The following ARHGAP10 variants were observed in gnomAD, a reference collection of about 807,000 sequenced individuals.
ARHGAP10 encodes rho GTPase-activating protein 10.
ARHGAP10 carries 87 observed loss-of-function variants against 108.6 expected under a neutral mutation model. The ratio of observed to expected loss-of-function variants is 0.80; its 90% CI spans 0.67 to 0.96. The LOEUF is 0.96. ARHGAP10 is among the 40% of genes least tolerant of loss of function. The pLI is 0.00. For synonymous variants in ARHGAP10, 347 were observed against 341.1 expected, an observed-to-expected ratio of 1.02 and a Z score of -0.19; for missense variants, 939 against 954.5, an observed-to-expected ratio of 0.98 and a Z score of 0.21.
intron 13 of ARHGAP10, among the ~76,000 whole-genome samples, chr4:147,915,643 C>A (rs1295534706): frequency 6.6e-6 from 1 of 152,086 alleles, no homozygotes; most frequent in Admixed American, 6.6e-5. Flanking sequence ...TAGGTCTACA[C>A]ATTTTATGTT....
intron 1 of ARHGAP10, among the ~76,000 whole-genome samples, chr4:147,799,036 CT>C (rs1009850643): frequency 2.1e-4 from 31 of 146,604 alleles, no homozygotes; most frequent in African/African-American, 5.8e-4. Context: ...TCTTTTTGTC[CT>C]TTTTTTTTTC....
chr4:147,809,842 A>G (rs1012967119), intron 1 of ARHGAP10, among the ~76,000 whole-genome samples: 3 of 152,114 alleles, frequency 2.0e-5, no homozygotes, highest in Non-Finnish European at 4.4e-5. Flanking sequence ...CTCCTCTGAG[A>G]ATCTAATGCC....
intron 1 of ARHGAP10, among the ~76,000 whole-genome samples, chr4:147,742,559 C>A (rs913015223): frequency 3.6e-5 from 5 of 139,958 alleles, no homozygotes; most frequent in Non-Finnish European, 7.6e-5. Flanking sequence ...TCTCGACTCA[C>A]TGCAACCTCT....
chr4:147,945,161 C>A (rs1413446649), intron 14 of ARHGAP10, among the ~76,000 whole-genome samples: 1 of 152,118 alleles, frequency 6.6e-6, no homozygotes, highest in African/African-American at 2.4e-5. Context: ...CTGAGTGTAC[C>A]AGCCCAGAGT....
chr4:147,828,628 A>G (rs1442786686), intron 3 of ARHGAP10, among the ~76,000 whole-genome samples: 1 of 152,228 alleles, frequency 6.6e-6, no homozygotes, highest in Non-Finnish European at 1.5e-5. Flanking sequence ...GAGTTGAAGG[A>G]TGAGCCTTAG....
intron 10 of ARHGAP10, among the ~76,000 whole-genome samples, chr4:147,897,700 G>A (rs895352164): frequency 6.6e-6 from 1 of 152,120 alleles, no homozygotes; most frequent in Non-Finnish European, 1.5e-5. Flanking sequence ...CACTATGAAT[G>A]TGGGAATTAC....
intron 16 of ARHGAP10, among the ~76,000 whole-genome samples, chr4:147,964,640 C>A: frequency 6.6e-6 from 1 of 152,192 alleles, no homozygotes; most frequent in East Asian, 1.9e-4. Flanking sequence ...AGCCTATTTG[C>A]TGATATTTTA....
intron 3 of ARHGAP10, among the ~76,000 whole-genome samples, chr4:147,836,183 G>A (rs79952475): frequency 0.045 from 6,875 of 152,148 alleles, 475 homozygotes; most frequent in African/African-American, 0.15. Context: ...ATACTTGTTC[G>A]TAGAAGATAG....
At chr4:147,818,565 CAAAAAAAA>C (rs5862813) in intron 1 of ARHGAP10, among the ~76,000 whole-genome samples, 1 of 105,306 alleles carries the variant, frequency 9.5e-6, no homozygotes, top group Non-Finnish European at 2.0e-5. Context: ...AAACTGTCAC[CAAAAAAAA>C]AAAAAAAAAA....
intron 18 of ARHGAP10, among the ~76,000 whole-genome samples, chr4:148,022,265 C>T (rs755253345): frequency 6.6e-5 from 10 of 152,130 alleles, no homozygotes; most frequent in Non-Finnish European, 8.8e-5. Flanking sequence ...TCCATCAACC[C>T]GCCCTCTAGG....
chr4:147,948,979 CAAAA>C (rs564911421), intron 15 of ARHGAP10, among the ~76,000 whole-genome samples: 12 of 148,678 alleles, frequency 8.1e-5, no homozygotes, highest in South Asian at 4.3e-4. Flanking sequence ...AAAAAAAAAA[CAAAA>C]AAACCCCCAA....
Position 147,857,588 on chromosome 4 carries a change from G to C in ARHGAP10, c.420G>C (p.Lys140Asn). The change falls in exon 5 of 23, where the codon AAG becomes AAC. Residue 140 changes from lysine to asparagine, a missense_variant. Transcript: ENST00000336498. ...EKKKFDKETEKNYSLIDKHLN... is the reference protein window; with the variant it reads ...EKKKFDKETENNYSLIDKHLN... ...AGAAGTTTGACAAAGAGACAGAAAA[G>C]AATTATAGTCTAATTGATAAACATT... 1 of 1,481,134 alleles carries C rather than the reference G, an allele frequency of 6.8e-7. No homozygotes were observed. The highest frequency in any genetic ancestry group is 9.0e-7 in the Non-Finnish European group (1 of 1,117,178). 91.7% of individuals were successfully genotyped at this position (1,481,134 alleles called of 1,614,324 possible). A position where few individuals can be genotyped will look rare whatever the true frequency, so the allele number is the denominator to read the frequency against.
At chr4:147,912,098 G>T (rs1736768281) in intron 12 of ARHGAP10, among the ~76,000 whole-genome samples, 1 of 151,344 alleles carries the variant, frequency 6.6e-6, no homozygotes, top group African/African-American at 2.4e-5. Flanking sequence ...TCTTAACTGT[G>T]TCTAGATAGC....
At chr4:147,822,429 G>A (rs1169859041) in intron 1 of ARHGAP10, among the ~76,000 whole-genome samples, 1 of 152,208 alleles carries the variant, frequency 6.6e-6, no homozygotes, top group Non-Finnish European at 1.5e-5. Context: ...GCAGAGAAAG[G>A]GAGAATACTT....
At chr4:148,067,090 T>C (rs973556033) in intron 22 of ARHGAP10, among the ~76,000 whole-genome samples, 35 of 152,310 alleles carry the variant, frequency 2.3e-4, no homozygotes, top group African/African-American at 8.2e-4. Flanking sequence ...TGTGGATGTG[T>C]TGACACTCTC....
intron 9 of ARHGAP10, among the ~76,000 whole-genome samples, chr4:147,880,561 G>T (rs1442320484): frequency 6.6e-6 from 1 of 152,172 alleles, no homozygotes; most frequent in East Asian, 1.9e-4. Flanking sequence ...GAATATAACT[G>T]TGAGATTTTG....
intron 20 of ARHGAP10, among the ~76,000 whole-genome samples, chr4:148,050,450 T>C (rs1729084609): frequency 1.4e-5 from 2 of 147,434 alleles, no homozygotes; most frequent in Non-Finnish European, 3.0e-5. Flanking sequence ...CTCAGCTCAC[T>C]GCAAGCTCCG....
intron 1 of ARHGAP10, among the ~76,000 whole-genome samples, chr4:147,792,587 T>G (rs922750670): frequency 6.6e-6 from 1 of 152,310 alleles, no homozygotes; most frequent in South Asian, 2.1e-4. Flanking sequence ...CTCTTCCCTC[T>G]TTATATATGC....
chr4:148,034,528 C>A (rs1728289804), intron 19 of ARHGAP10, among the ~76,000 whole-genome samples: 1 of 151,636 alleles, frequency 6.6e-6, no homozygotes, highest in Non-Finnish European at 1.5e-5. Context: ...CAGGTTTCAC[C>A]CTGTTGGCCA....
Sources: gnomAD v4.1 joint callset for allele counts (sites outside exome capture counted in the v4.1 genomes callset) on GRCh38, gnomAD v4.1.1 for gene constraint, MANE v1.5 for transcripts, NCBI Gene and HGNC (gene_info 2026-07-23, HGNC 2026-07-21) for gene names.